The following CALHM5 variants were observed in gnomAD, a reference collection of about 807,000 sequenced individuals.
The protein encoded by CALHM5 is calcium homeostasis modulator family member 5, also known as calcium homeostasis modulator protein 5.
CALHM5 carries 17 observed loss-of-function variants against 20.9 expected under a neutral mutation model. That is an observed-to-expected ratio of 0.82 (90% CI 0.56 to 1.22). The LOEUF is 1.22. CALHM5 is among the 50% of genes most tolerant of loss of function. The probability of loss-of-function intolerance (pLI) is 0.00; values close to 1 mark genes in which losing one functional copy is unlikely to be tolerated. For missense variants in CALHM5, 360 were observed against 364.6 expected (o/e 0.99, Z 0.10); for synonymous variants, 148 against 140.0 (o/e 1.06, Z -0.40).
In CALHM5 at chr6:116,516,191, G is replaced by T; in HGVS notation, c.*202G>T. ...AAATTGATGCTGAGGGGTGACAAAG[G>T]TGCTCTTGCATTGGTGGAGAGGGGC... On this transcript the variant is annotated 3_prime_UTR_variant, in exon 2 of 2. Transcript: ENST00000368599. The T allele has an allele frequency of 1.7e-6, 1 of 585,050 alleles. No homozygotes were observed. The highest frequency in any genetic ancestry group is 2.7e-6 in the Non-Finnish European group (1 of 376,880). The allele number at this position is 585,050 out of a possible 1,614,324, so 36.2% of individuals were successfully genotyped here. A position where few individuals can be genotyped will look rare whatever the true frequency, so the allele number is the denominator to read the frequency against.
chr6:116,512,193 C>A lies in CALHM5; in HGVS notation c.497C>A (p.Thr166Asn), dbSNP rs1352034946. 3.1e-6 allele frequency: 5 copies of A among 1,608,010 alleles called. No homozygotes were observed. Among genetic ancestry groups the A allele is most frequent in the Non-Finnish European group, 3.4e-6 (4 of 1,179,754 alleles). Residue 166 changes from threonine to asparagine, a missense_variant, in exon 1 of 2, where the codon ACC becomes AAC. Coordinates refer to ENST00000368599, the MANE Select transcript of CALHM5 (RefSeq NM_153711.5). The part of the protein sequence containing the change: ...VSCGKTSMLP[T>N]VNEELKLSLQ... ...TGTGGCAAAACTAGCATGCTACCTACCGTCAATGAAGAACTGAAACTCTCC... is the reference window on the plus strand; with the variant it reads ...TGTGGCAAAACTAGCATGCTACCTAACGTCAATGAAGAACTGAAACTCTCC...
Position 116,515,786 on chromosome 6 carries a change from A to T in CALHM5, c.727A>T (p.Lys243Ter), listed in dbSNP as rs1772212026. The change falls in exon 2 of 2, where the codon AAA becomes TAA. Residue 243 changes from lysine to a stop codon, truncating the protein, a stop_gained. Coordinates refer to ENST00000368599, the MANE Select transcript of CALHM5 (RefSeq NM_153711.5). LOFTEE classifies it high-confidence loss of function. ...CAACAAGCTGAGCGAGAGGAACCTG[A>T]AATGTTTTTTTGAAAACAAGAGGCC... ...YANKLSERNLKCFFENKRPDP... is the reference protein window; with the variant it reads ...YANKLSERNL The T allele has an allele frequency of 6.2e-7, 1 of 1,614,030 alleles. No homozygotes were observed.
chr6:116,521,470 C>T lies in CALHM5; in HGVS notation c.*5481C>T, dbSNP rs1027229579. 1 of 151,530 alleles carries T rather than the reference C, an allele frequency of 6.6e-6. No individual in the cohort carries two copies. Among genetic ancestry groups the T allele is most frequent in the African/African-American group, 2.4e-5 (1 of 41,180 alleles). The allele number at this position is 151,530 out of a possible 1,614,324, so 9.4% of individuals were successfully genotyped here. On this transcript the variant is annotated 3_prime_UTR_variant, in exon 2 of 2. Coordinates refer to ENST00000368599, the MANE Select transcript of CALHM5 (RefSeq NM_153711.5). ...AAGGAGAATATTGGTGACCCAACTCCAGGAGACAGAGAAAAGATTGGTGAC... is the reference window on the plus strand; with the variant it reads ...AAGGAGAATATTGGTGACCCAACTCTAGGAGACAGAGAAAAGATTGGTGAC...
chr6:116,521,524 GAGAGAGAC>G lies in CALHM5; in HGVS notation c.*5542_*5549del, dbSNP rs976041384. ...ACTCGAGTGGAGAGAGAGGGAGAGA[GAGAGAGAC>G]AGAGAGCAAATTTGCCCATCCTCTC... On this transcript the variant is annotated 3_prime_UTR_variant, in exon 2 of 2. Coordinates refer to ENST00000368599, the MANE Select transcript of CALHM5 (RefSeq NM_153711.5). The G allele has an allele frequency of 2.0e-5, 3 of 151,954 alleles. No homozygotes were observed. The highest frequency in any genetic ancestry group is 4.4e-5 in the Non-Finnish European group (3 of 68,016). The allele number at this position is 151,954 out of a possible 1,614,324, so 9.4% of individuals were successfully genotyped here. A position where few individuals can be genotyped will look rare whatever the true frequency, so the allele number is the denominator to read the frequency against.
chr6:116,511,996 C>T lies in CALHM5; in HGVS notation c.300C>T (p.Leu100=), dbSNP rs763568673. 1 of 1,614,048 alleles carries T rather than the reference C, an allele frequency of 6.2e-7. No individual in the cohort carries two copies. The change falls in exon 1 of 2, where the codon CTC becomes CTT. Residue 100 remains leucine (L), a synonymous_variant. Transcript: ENST00000368599. ...ACAGCTGCCGTTTCTTCTACGTCCT[C>T]GGCCAGATCACTCTGAGCTCATTGG... ...RGHSCRFFYV[L]GQITLSSLVA... is the part of the protein sequence containing the mutation.
chr6:116,521,091 T>C lies in CALHM5; in HGVS notation c.*5102T>C, dbSNP rs534462230. 4 of 140,898 alleles carry C rather than the reference T, an allele frequency of 2.8e-5. No homozygotes were observed. The East Asian group carries it at 7.7e-4, about 27-fold the overall frequency. The allele number at this position is 140,898 out of a possible 1,614,324, so 8.7% of individuals were successfully genotyped here. On this transcript the variant is annotated 3_prime_UTR_variant, in exon 2 of 2. Transcript: ENST00000368599. ...ATACATACATATATATGTGTGTGCA[T>C]GTGTGTGTGTGTATGCGTGTATATA...
chr6:116,515,529 T>C (rs1430657918), intron 1 of CALHM5, 71 bp from the exon 2 acceptor site: 1 of 1,470,756 alleles, frequency 6.8e-7, no homozygotes, highest in Non-Finnish European at 9.2e-7. Context: ...GCTATACACT[T>C]CTCAATAATA....
chr6:116,513,439 G>T (rs886700689), intron 1 of CALHM5, among the ~76,000 whole-genome samples: 1 of 152,188 alleles, frequency 6.6e-6, no homozygotes, highest in Non-Finnish European at 1.5e-5. Flanking sequence ...GATTTATGGT[G>T]TATGTCCTCA....
At position 116,515,663 on chromosome 6, in the gene CALHM5, C is replaced by G. The variant is rs199849392; in HGVS notation, c.604C>G (p.Arg202Gly). The G allele has an allele frequency of 6.2e-7, 1 of 1,613,948 alleles. No individual in the cohort carries two copies. Among genetic ancestry groups the G allele is most frequent in the African/African-American group, 1.3e-5 (1 of 75,010 alleles). Reference protein sequence around the residue: ...FFSLLTTCYARCRSKVSYLQL... With the variant: ...FFSLLTTCYAGCRSKVSYLQL... ...CTCTCTGCTCACCACATGTTATGCT[C>G]GCTGCCGATCTAAAGTTAGCTACCT... The change falls in exon 2 of 2, where the codon CGC (arginine) becomes GGC (glycine). Residue 202 changes from arginine to glycine, a missense_variant. Transcript: ENST00000368599.
intron 1 of CALHM5, chr6:116,512,461 A>G (rs940323865): frequency 2.7e-5 from 14 of 525,654 alleles, no homozygotes; most frequent in Admixed American, 6.5e-5. Context: ...TGAAAAGAAA[A>G]TATCCACTGG....
chr6:116,519,813 T>A lies in CALHM5; in HGVS notation c.*3824T>A, dbSNP rs190743529. 2.7e-4 allele frequency: 41 copies of A among 152,348 alleles called. No homozygotes were observed. In the East Asian group the frequency reaches 7.7e-3, roughly 29 times the overall value. The allele number at this position is 152,348 out of a possible 1,614,324, so 9.4% of individuals were successfully genotyped here. A position where few individuals can be genotyped will look rare whatever the true frequency, so the allele number is the denominator to read the frequency against. ...TGCTGATTCTGTCCAATTTATCCCA[T>A]GAATAAATTGTGTACACATATATAT... is the stretch of plus-strand genomic sequence containing the variant. On this transcript the variant is annotated 3_prime_UTR_variant, in exon 2 of 2. Coordinates refer to ENST00000368599, the MANE Select transcript of CALHM5 (RefSeq NM_153711.5).
rs1772266380 is a variant in CALHM5 at position 116,518,328 on chromosome 6, A to C, written c.*2339A>C. The stretch of plus-strand genomic sequence containing the variant: ...GTATGATATCCAGTTGGTATTGGAG[A>C]ATTGGCCAGTGTGGGAGAAAACCCA... On this transcript the variant is annotated 3_prime_UTR_variant, in exon 2 of 2. Coordinates refer to ENST00000368599, the MANE Select transcript of CALHM5 (RefSeq NM_153711.5). The C allele has an allele frequency of 6.6e-6, 1 of 152,164 alleles. No individual in the cohort carries two copies. The highest frequency in any genetic ancestry group is 1.5e-5 in the Non-Finnish European group (1 of 68,038). The allele number at this position is 152,164 out of a possible 1,614,324, so 9.4% of individuals were successfully genotyped here.
chr6:116,523,390 C>T lies in CALHM5; in HGVS notation c.*7401C>T, dbSNP rs1249550139. 6.6e-6 allele frequency: 1 copy of T among 151,862 alleles called. No homozygotes were observed. The highest frequency in any genetic ancestry group is 3.2e-3 in the Middle Eastern group (1 of 316). 9.4% of individuals were successfully genotyped at this position (151,862 alleles called of 1,614,324 possible). A position where few individuals can be genotyped will look rare whatever the true frequency, so the allele number is the denominator to read the frequency against. On this transcript the variant is annotated 3_prime_UTR_variant, in exon 2 of 2. Transcript: ENST00000368599. ...CCTGTTGTAAATGGTTTCTTTTTTC[C>T]ACTATATCTTTCTAAGTGATTGTTG... is the stretch of plus-strand genomic sequence containing the variant.
In CALHM5 at chr6:116,515,622, G is replaced by C. The variant is rs1299115827; in HGVS notation, c.563G>C (p.Cys188Ser). The C allele has an allele frequency of 1.2e-6, 2 of 1,612,624 alleles. No homozygotes were observed. The highest frequency in any genetic ancestry group is 1.1e-5 in the South Asian group (1 of 90,936). Residue 188 changes from cysteine to serine, a missense_variant, in exon 2 of 2, where the codon TGT becomes TCT. Coordinates refer to ENST00000368599, the MANE Select transcript of CALHM5 (RefSeq NM_153711.5). ...AAGATTCTAGGATGGTGCCTGATTT[G>C]TTCAGCGTCTTTCTTCTCTCTGCTC... The part of the protein sequence containing the change: ...QSQILGWCLI[C>S]SASFFSLLTT...
intron 1 of CALHM5, among the ~76,000 whole-genome samples, chr6:116,514,959 T>G (rs949592615): frequency 2.6e-5 from 4 of 152,212 alleles, no homozygotes; most frequent in Non-Finnish European, 5.9e-5. Context: ...ACTTCTGCTT[T>G]TAAGATCCAG....
intron 1 of CALHM5, chr6:116,512,482 T>C (rs1039018984): frequency 1.9e-5 from 9 of 476,772 alleles, no homozygotes; most frequent in African/African-American, 7.7e-5. Flanking sequence ...ATTGTCCACA[T>C]ATAAATACTT....
At position 116,515,584 on chromosome 6, in the gene CALHM5, T is replaced by G. The variant is rs1237050499; in HGVS notation, c.541-16T>G. 1 of 1,593,918 alleles carries G rather than the reference T, an allele frequency of 6.3e-7. No individual in the cohort carries two copies. The highest frequency in any genetic ancestry group is 1.4e-5 in the African/African-American group (1 of 73,920). Reference sequence around the variant, plus strand: ...TTTGCTTTCACGTGTGTACTCAATATTTCTTTCTTCTTAAGATTCTAGGAT... The same window carrying G: ...TTTGCTTTCACGTGTGTACTCAATAGTTCTTTCTTCTTAAGATTCTAGGAT... On this transcript the variant is annotated splice_polypyrimidine_tract_variant and intron_variant, in intron 1 of 1. Transcript: ENST00000368599.
chr6:116,523,524 C>T lies in CALHM5; in HGVS notation c.*7535C>T, dbSNP rs762816696. ...AATTTGAAAGTAAACATTTTGCAAC[C>T]TTTGATGACAAAATGGATCTAGACA... On this transcript the variant is annotated 3_prime_UTR_variant, in exon 2 of 2. Transcript: ENST00000368599. 4.6e-5 allele frequency: 7 copies of T among 152,046 alleles called. No homozygotes were observed. The highest frequency in any genetic ancestry group is 1.7e-4 in the African/African-American group (7 of 41,408). The allele number at this position is 152,046 out of a possible 1,614,324, so 9.4% of individuals were successfully genotyped here.
chr6:116,518,268 C>G lies in CALHM5; in HGVS notation c.*2279C>G, dbSNP rs912549093. 2 of 152,098 alleles carry G rather than the reference C, an allele frequency of 1.3e-5. No homozygotes were observed. The highest frequency in any genetic ancestry group is 4.8e-5 in the African/African-American group (2 of 41,404). The allele number at this position is 152,098 out of a possible 1,614,324, so 9.4% of individuals were successfully genotyped here. A position where few individuals can be genotyped will look rare whatever the true frequency, so the allele number is the denominator to read the frequency against. On this transcript the variant is annotated 3_prime_UTR_variant, in exon 2 of 2. Transcript: ENST00000368599. ...ACTGAGCTCTTAACCTGCTGGGGAT[C>G]TGCACTTAATGCCGATTAATGCCAG... is the stretch of plus-strand genomic sequence containing the variant.
Sources: allele counts gnomAD v4.1 joint callset (sites outside exome capture counted in the v4.1 genomes callset), GRCh38; gene constraint gnomAD v4.1.1; transcripts MANE v1.5; gene names NCBI Gene and HGNC (gene_info 2026-07-23, HGNC 2026-07-21).